Variants in MYO16 observed in about 807,000 individuals in gnomAD.
The protein encoded by MYO16 is unconventional myosin-XVI.
Under a neutral mutation model 205.3 loss-of-function variants are expected in MYO16, and 94 were observed. The ratio of observed to expected loss-of-function variants is 0.46; its 90% CI spans 0.39 to 0.54. The LOEUF is 0.54. MYO16 is among the 20% of genes least tolerant of loss of function. The pLI is 0.00. For missense variants in MYO16, 2,315 were observed against 2,387.5 expected (o/e 0.97, Z 0.63); for synonymous variants, 988 against 954.0 (o/e 1.04, Z -0.66).
intron 27 of MYO16, among the ~76,000 whole-genome samples, chr13:109,060,503 A>T (rs1044626693): frequency 2.9e-4 from 44 of 151,988 alleles, no homozygotes; most frequent in African/African-American, 1.0e-3. Flanking sequence ...GGGCAAGGGG[A>T]CGGAGACCAT....
intron 23 of MYO16, among the ~76,000 whole-genome samples, chr13:109,021,162 C>T (rs1405095858): frequency 6.6e-6 from 1 of 151,994 alleles, no homozygotes; most frequent in Non-Finnish European, 1.5e-5. Context: ...AGGAGAGAAT[C>T]CATTCTACCT....
intron 32 of MYO16, among the ~76,000 whole-genome samples, chr13:109,160,063 C>T (rs1594142442): frequency 6.6e-6 from 1 of 152,174 alleles, no homozygotes; most frequent in Non-Finnish European, 1.5e-5. Context: ...GTTGGGGGAC[C>T]GTCCTGTGTG....
intron 12 of MYO16, among the ~76,000 whole-genome samples, chr13:108,876,727 C>A (rs903541448): frequency 6.7e-6 from 1 of 148,738 alleles, no homozygotes; most frequent in Non-Finnish European, 1.5e-5. Flanking sequence ...AGTGCAGTGG[C>A]ACAATCTTGG....
At chr13:108,540,598 C>T in the MYO16 span, among the ~76,000 whole-genome samples, 1 of 152,202 alleles carries the variant, frequency 6.6e-6, no homozygotes, top group East Asian at 1.9e-4. Flanking sequence ...AAGCCTGGAA[C>T]ATTAGAGATC....
At chr13:109,029,982 G>A (rs552295181) in intron 23 of MYO16, among the ~76,000 whole-genome samples, 1 of 152,070 alleles carries the variant, frequency 6.6e-6, no homozygotes, top group South Asian at 2.1e-4. Flanking sequence ...ATGGCTAGTT[G>A]GTATATTTTT....
chr13:108,975,413 G>A lies in MYO16; in HGVS notation c.2369+10511G>A, dbSNP rs1013736393. 2.0e-5 allele frequency among the ~76,000 whole-genome samples: 3 copies of A among 152,274 alleles called. No homozygotes were observed. The East Asian group carries it at 5.8e-4, about 29-fold the overall frequency. On this transcript the variant is annotated intron_variant, in intron 20 of 34. Transcript: ENST00000457511. ...TATGACTTTTTAAAAGGACTGGAATGTAGCCATATGAGCAATTAATTGTTC... is the reference window on the plus strand; with the variant it reads ...TATGACTTTTTAAAAGGACTGGAATATAGCCATATGAGCAATTAATTGTTC...
chr13:108,546,456 G>A, the MYO16 span, among the ~76,000 whole-genome samples: 2 of 152,124 alleles, frequency 1.3e-5, no homozygotes, highest in Non-Finnish European at 2.9e-5. Flanking sequence ...CTCTGGAGAA[G>A]AGATTTATCT....
At chr13:108,557,133 A>G in the MYO16 span, among the ~76,000 whole-genome samples, 1 of 152,180 alleles carries the variant, frequency 6.6e-6, no homozygotes, top group African/African-American at 2.4e-5. Flanking sequence ...GCAGTTTCAC[A>G]AAAATTTTAG....
At position 108,926,631 on chromosome 13, in the gene MYO16, C is replaced by G. The variant is rs1293500169; in HGVS notation, c.1925+16481C>G. On this transcript the variant is annotated intron_variant, in intron 16 of 34. Coordinates refer to ENST00000457511, the MANE Select transcript of MYO16 (RefSeq NM_001198950.3). ...GGAGGGCGTGAGTGGAACCTGTCAT[C>G]TAGAGACCAGCAGGCTAACATGGAA... Among the ~76,000 whole-genome samples the G allele has an allele frequency of 3.6e-4, 55 of 152,112 alleles. 1 individual carries two copies. Among genetic ancestry groups the G allele is most frequent in the Admixed American group, 3.6e-3 (55 of 15,272 alleles).
intron 1 of MYO16, among the ~76,000 whole-genome samples, chr13:108,637,186 G>T (rs1594164231): frequency 6.6e-6 from 1 of 152,166 alleles, no homozygotes; most frequent in Non-Finnish European, 1.5e-5. Context: ...AGAACATCAT[G>T]GGCTGCTGGT....
chr13:108,789,753 G>A lies in MYO16; in HGVS notation c.617-3763G>A, dbSNP rs573215335. Among the ~76,000 whole-genome samples, 19 of 152,242 alleles carry A rather than the reference G, an allele frequency of 1.2e-4. No individual in the cohort carries two copies. In the East Asian group the frequency reaches 3.3e-3, roughly 26 times the overall value. On this transcript the variant is annotated intron_variant, in intron 5 of 34. Coordinates refer to ENST00000457511, the MANE Select transcript of MYO16 (RefSeq NM_001198950.3). The stretch of plus-strand genomic sequence containing the variant: ...TTAGTGGCAGTTCTATGAGCACAGA[G>A]GATCCCATGCTAAAATCATGGGATA...
intron 4 of MYO16, among the ~76,000 whole-genome samples, chr13:108,777,248 G>A (rs540231174): frequency 9.9e-5 from 15 of 152,066 alleles, no homozygotes; most frequent in Admixed American, 7.9e-4. Flanking sequence ...AGAAAGGCAC[G>A]ACATAGGTAC....
intron 16 of MYO16, 54 bp from the exon 17 acceptor site, chr13:108,957,634 C>T: frequency 7.9e-7 from 1 of 1,273,712 alleles, no homozygotes; most frequent in Non-Finnish European, 1.1e-6. Flanking sequence ...CTTTTAACCA[C>T]AGAAGTCTGA....
At chr13:108,730,326 C>A (rs1054261864) in intron 4 of MYO16, among the ~76,000 whole-genome samples, 4 of 152,162 alleles carry the variant, frequency 2.6e-5, no homozygotes, top group African/African-American at 9.7e-5. Context: ...TTTCCTGAGG[C>A]CTCCCCAGCC....
chr13:108,919,388 T>C (rs1015904974), intron 16 of MYO16, among the ~76,000 whole-genome samples: 1 of 152,284 alleles, frequency 6.6e-6, no homozygotes, highest in African/African-American at 2.4e-5. Flanking sequence ...CTCAAAAATC[T>C]TTAATAAATA....
At chr13:109,039,705 G>C (rs1886822419) in intron 23 of MYO16, among the ~76,000 whole-genome samples, 2 of 152,112 alleles carry the variant, frequency 1.3e-5, no homozygotes, top group Non-Finnish European at 2.9e-5. Flanking sequence ...AAATAGTATT[G>C]AATGAGAAAT....
chr13:108,503,331 C>T, the MYO16 span, among the ~76,000 whole-genome samples: 1 of 152,130 alleles, frequency 6.6e-6, no homozygotes, highest in Non-Finnish European at 1.5e-5. Flanking sequence ...AAGGCAGGGG[C>T]CAGCCTCTGC....
chr13:108,844,104 T>G (rs1214011594), intron 9 of MYO16, among the ~76,000 whole-genome samples: 1 of 152,196 alleles, frequency 6.6e-6, no homozygotes, highest in African/African-American at 2.4e-5. Flanking sequence ...TGTAAACATT[T>G]TCTTCTGGAG....
chr13:108,571,719 G>A, the MYO16 span, among the ~76,000 whole-genome samples: 1 of 151,108 alleles, frequency 6.6e-6, no homozygotes, highest in African/African-American at 2.4e-5. Context: ...ATGTGTGTGT[G>A]TGTCTGAATA....
Sources: gnomAD v4.1 joint callset for allele counts (sites outside exome capture counted in the v4.1 genomes callset) on GRCh38, gnomAD v4.1.1 for gene constraint, MANE v1.5 for transcripts, NCBI Gene and HGNC (gene_info 2026-07-23, HGNC 2026-07-21) for gene names.